DPH6: variants seen among roughly 807,000 people sequenced by gnomAD.
DPH6 encodes diphthine--ammonia ligase.
In DPH6, 33 loss-of-function variants were observed where a neutral mutation model predicts 38.2. The ratio of observed to expected loss-of-function variants is 0.86; its 90% CI spans 0.65 to 1.15. The LOEUF (loss-of-function observed/expected upper bound fraction) is 1.15. DPH6 is among the 50% of genes most tolerant of loss of function. DPH6 has a pLI of 0.00. For missense variants in DPH6, 325 were observed against 320.0 expected (o/e 1.02, Z -0.12); for synonymous variants, 108 against 103.0 (o/e 1.05, Z -0.30).
chr15:35,439,713 A>T (rs895367168), intron 5 of DPH6, among the ~76,000 whole-genome samples: 2 of 152,098 alleles, frequency 1.3e-5, no homozygotes, highest in Non-Finnish European at 2.9e-5. Context: ...TGGGACCTCA[A>T]GAAGAGAGGA....
At chr15:35,146,872 C>T in the DPH6 span, among the ~76,000 whole-genome samples, 1 of 152,132 alleles carries the variant, frequency 6.6e-6, no homozygotes, top group Non-Finnish European at 1.5e-5. Context: ...ATCAGGCTGT[C>T]CTGATGTCCT....
intron 3 of DPH6, among the ~76,000 whole-genome samples, chr15:35,325,432 A>C (rs1260981312): frequency 6.6e-6 from 1 of 152,162 alleles, no homozygotes; most frequent in Non-Finnish European, 1.5e-5. Flanking sequence ...AGTTGTATGA[A>C]TACTTAATTT....
intron 3 of DPH6, chr15:35,238,092 A>G (rs1268736192): frequency 2.7e-6 from 4 of 1,497,942 alleles, no homozygotes; most frequent in African/African-American, 1.4e-5. Flanking sequence ...AAAAATTCCT[A>G]TTGTGATTTG....
rs1030441303 is a variant in DPH6 at position 35,512,463 on chromosome 15, G to C, written c.312+25811C>G. Among the ~76,000 whole-genome samples, 15 of 152,046 alleles carry C rather than the reference G, an allele frequency of 9.9e-5. 1 individual carries two copies. Among genetic ancestry groups the C allele is most frequent in the Admixed American group, 9.8e-4 (15 of 15,244 alleles). On this transcript the variant is annotated intron_variant, in intron 3 of 8. Transcript: ENST00000256538. ...CCACATGGCACATTTTTAGTATAAA[G>C]TATACTAAAATCTAGCACACGAGGC...
At chr15:35,497,807 C>G (rs561182884) in intron 3 of DPH6, among the ~76,000 whole-genome samples, 2 of 152,264 alleles carry the variant, frequency 1.3e-5, no homozygotes, top group South Asian at 4.1e-4. Flanking sequence ...AAAACCATCT[C>G]CTAAAAGCAA....
chr15:35,506,621 T>G (rs2141207543), intron 3 of DPH6, among the ~76,000 whole-genome samples: 1 of 152,308 alleles, frequency 6.6e-6, no homozygotes, highest in East Asian at 1.9e-4. Context: ...ATTTACACGC[T>G]TCTCTGCTTC....
chr15:35,485,352 C>T (rs2054383098), intron 3 of DPH6, among the ~76,000 whole-genome samples: 1 of 152,154 alleles, frequency 6.6e-6, no homozygotes. Flanking sequence ...ATCATTACTA[C>T]ACAAATTGTA....
chr15:35,206,063 A>G, the DPH6 span, among the ~76,000 whole-genome samples: 1 of 152,104 alleles, frequency 6.6e-6, no homozygotes, highest in Non-Finnish European at 1.5e-5. Flanking sequence ...ATGGTAGTAG[A>G]AGTTTTAGAA....
At chr15:35,486,062 A>C (rs2054393818) in intron 3 of DPH6, among the ~76,000 whole-genome samples, 1 of 152,206 alleles carries the variant, frequency 6.6e-6, no homozygotes, top group Non-Finnish European at 1.5e-5. Context: ...GTAATTTATA[A>C]AGGAAAGAGG....
chr15:35,434,356 A>G (rs1294403265), intron 5 of DPH6, among the ~76,000 whole-genome samples: 3 of 152,226 alleles, frequency 2.0e-5, no homozygotes, highest in Non-Finnish European at 4.4e-5. Flanking sequence ...TTATTAATAG[A>G]ATGCATTACT....
the DPH6 span, among the ~76,000 whole-genome samples, chr15:35,184,556 G>A: frequency 6.6e-6 from 1 of 152,014 alleles, no homozygotes; most frequent in East Asian, 1.9e-4. Context: ...AAAAAAAAAA[G>A]TTGGCCTATA....
At chr15:35,237,838 G>A in intron 3 of DPH6, 2 of 1,540,566 alleles carry the variant, frequency 1.3e-6, no homozygotes, top group Non-Finnish European at 1.8e-6. Flanking sequence ...AGGAGGAGGA[G>A]GAGGATGAGG....
At chr15:35,434,334 G>A (rs551021254) in intron 5 of DPH6, among the ~76,000 whole-genome samples, 196 of 152,150 alleles carry the variant, frequency 1.3e-3, no homozygotes, top group African/African-American at 4.6e-3. Context: ...CCTTTGAAAA[G>A]ATTAAAGCTA....
At chr15:35,220,212 A>C (rs1484593185) in exon 4 of DPH6, 3 of 152,126 alleles carry the variant, frequency 2.0e-5, no homozygotes, top group African/African-American at 7.2e-5. Context: ...TTAAAAATAG[A>C]CTATTTTGGG....
At chr15:35,202,712 T>C in the DPH6 span, among the ~76,000 whole-genome samples, 1 of 151,814 alleles carries the variant, frequency 6.6e-6, no homozygotes, top group South Asian at 2.1e-4. Context: ...CATCGTTCTC[T>C]AAGATCAGGT....
At chr15:35,338,701 T>C (rs1209084448) in intron 3 of DPH6, among the ~76,000 whole-genome samples, 1 of 152,192 alleles carries the variant, frequency 6.6e-6, no homozygotes, top group African/African-American at 2.4e-5. Context: ...CAAAGGATTA[T>C]AAATCATGCT....
At chr15:35,423,007 T>C (rs1773488787) in intron 5 of DPH6, among the ~76,000 whole-genome samples, 1 of 151,902 alleles carries the variant, frequency 6.6e-6, no homozygotes, top group African/African-American at 2.4e-5. Context: ...TTGTGAATAA[T>C]GCTAAAATAA....
chr15:35,469,799 G>A (rs1266938332), intron 3 of DPH6, among the ~76,000 whole-genome samples: 1 of 152,174 alleles, frequency 6.6e-6, no homozygotes, highest in Non-Finnish European at 1.5e-5. Context: ...CATGTGAAGA[G>A]ATACGATAAA....
chr15:35,189,791 G>A, the DPH6 span, among the ~76,000 whole-genome samples: 4 of 152,130 alleles, frequency 2.6e-5, no homozygotes, highest in South Asian at 2.1e-4. Flanking sequence ...AAGAAGGGGC[G>A]GATGGTTGAG....
Sources: allele counts gnomAD v4.1 joint callset (sites outside exome capture counted in the v4.1 genomes callset), GRCh38; gene constraint gnomAD v4.1.1; transcripts MANE v1.5; gene names NCBI Gene and HGNC (gene_info 2026-07-23, HGNC 2026-07-21).